Variants in NRXN1 observed in about 807,000 individuals in gnomAD.
NRXN1 encodes the protein neurexin 1, also known as neurexin-1.
NRXN1 carries 39 observed loss-of-function variants against 150.9 expected under a neutral mutation model. The ratio of observed to expected loss-of-function variants is 0.26; its 90% CI spans 0.20 to 0.34. NRXN1 has a LOEUF of 0.34. NRXN1 is among the 10% of genes least tolerant of loss of function. The pLI is 1.00. For missense variants in NRXN1, 1,815 were observed against 1,949.9 expected (o/e 0.93, Z 1.30); for synonymous variants, 924 against 757.0 (o/e 1.22, Z -3.62).
chr2:50,038,161 C>T (rs1690338766), intron 21 of NRXN1, among the ~76,000 whole-genome samples: 2 of 152,166 alleles, frequency 1.3e-5, no homozygotes, highest in Admixed American at 6.5e-5. Flanking sequence ...AGAAAATATA[C>T]ATAAAAAATC....
intron 5 of NRXN1, among the ~76,000 whole-genome samples, chr2:50,672,124 G>T (rs772561744): frequency 6.6e-6 from 1 of 151,758 alleles, no homozygotes; most frequent in Non-Finnish European, 1.5e-5. Flanking sequence ...ACCATAATTT[G>T]CTATAATACC....
intron 21 of NRXN1, among the ~76,000 whole-genome samples, chr2:50,032,861 C>G (rs1460877304): frequency 1.3e-5 from 2 of 151,952 alleles, no homozygotes; most frequent in South Asian, 2.1e-4. Flanking sequence ...ACTTTCCAGG[C>G]TCCCAAACTG....
At chr2:50,565,293 A>T (rs1669675996) in intron 8 of NRXN1, among the ~76,000 whole-genome samples, 1 of 152,174 alleles carries the variant, frequency 6.6e-6, no homozygotes, top group Non-Finnish European at 1.5e-5. Flanking sequence ...AAAAGAAAAG[A>T]AAGAAAATAG....
chr2:50,893,700 T>A (rs1299207128), intron 5 of NRXN1, among the ~76,000 whole-genome samples: 1 of 152,196 alleles, frequency 6.6e-6, no homozygotes, highest in Non-Finnish European at 1.5e-5. Flanking sequence ...ACATTCACAA[T>A]TATAATGTGA....
chr2:50,161,481 T>C (rs1173851687), intron 18 of NRXN1, among the ~76,000 whole-genome samples: 2 of 152,128 alleles, frequency 1.3e-5, no homozygotes, highest in Admixed American at 1.3e-4. Context: ...TCACTGAGTA[T>C]ACTTCTTGGG....
In NRXN1 at chr2:49,921,692, A is replaced by G. The variant is rs1668225184; in HGVS notation, c.*252T>C. 2.0e-6 allele frequency: 1 copy of G among 492,744 alleles called. No homozygotes were observed. Among genetic ancestry groups the G allele is most frequent in the East Asian group, 3.7e-5 (1 of 27,296 alleles). 30.5% of individuals were successfully genotyped at this position (492,744 alleles called of 1,614,324 possible). A position where few individuals can be genotyped will look rare whatever the true frequency, so the allele number is the denominator to read the frequency against. On this transcript the variant is annotated 3_prime_UTR_variant, in exon 23 of 23. Coordinates refer to ENST00000401669, the MANE Select transcript of NRXN1 (RefSeq NM_001330078.2). ...AGAAATGTTCCAGCAACATAAAGAC[A>G]AGCAGAGTAAATGAAAACACTGTGG...
At chr2:50,034,015 C>A (rs1330083488) in intron 21 of NRXN1, among the ~76,000 whole-genome samples, 2 of 146,548 alleles carry the variant, frequency 1.4e-5, no homozygotes, top group Non-Finnish European at 3.0e-5. Context: ...AGGTTGCAAA[C>A]AGAAGAGAAT....
chr2:49,926,563 T>C lies in NRXN1; in HGVS notation c.4217-4312A>G, dbSNP rs544338539. ...TGATGATAATTCAGATGATAATTCA[T>C]TGTGGAAAATGAACAGTTACTACTA... On this transcript the variant is annotated intron_variant, in intron 22 of 22. Transcript: ENST00000401669. Among the ~76,000 whole-genome samples, 306 of 152,322 alleles carry C rather than the reference T, an allele frequency of 2.0e-3. 2 individuals carry two copies. The highest frequency in any genetic ancestry group is 7.2e-3 in the African/African-American group (300 of 41,568).
intron 21 of NRXN1, among the ~76,000 whole-genome samples, chr2:50,047,560 T>C (rs1692011094): frequency 6.6e-6 from 1 of 152,056 alleles, no homozygotes; most frequent in Admixed American, 6.6e-5. Flanking sequence ...GTGCAGTCCT[T>C]CTGGGTCTGA....
At chr2:50,540,491 A>T (rs990625411) in intron 9 of NRXN1, among the ~76,000 whole-genome samples, 1 of 152,208 alleles carries the variant, frequency 6.6e-6, no homozygotes. Context: ...CCTATTCAAA[A>T]TACCTAAGAA....
intron 5 of NRXN1, among the ~76,000 whole-genome samples, chr2:50,835,904 A>G: frequency 6.6e-6 from 1 of 152,152 alleles, no homozygotes; most frequent in East Asian, 1.9e-4. Context: ...TTCTAAATCT[A>G]TAAAATAATA....
intron 18 of NRXN1, among the ~76,000 whole-genome samples, chr2:50,177,821 C>T (rs1368982339): frequency 1.3e-5 from 2 of 150,648 alleles, no homozygotes; most frequent in East Asian, 3.9e-4. Context: ...CCTCCTCTCC[C>T]TCCCTCCCTC....
intron 9 of NRXN1, among the ~76,000 whole-genome samples, chr2:50,541,994 C>T (rs376603413): frequency 6.6e-6 from 1 of 152,248 alleles, no homozygotes; most frequent in South Asian, 2.1e-4. Context: ...ATAGAAAGAA[C>T]AAGCAGGCCA....
chr2:50,423,343 G>A (rs1301956288), intron 17 of NRXN1, among the ~76,000 whole-genome samples: 1 of 152,020 alleles, frequency 6.6e-6, no homozygotes, highest in Non-Finnish European at 1.5e-5. Context: ...TCATTTTTAG[G>A]TTTTATTGTA....
intron 8 of NRXN1, among the ~76,000 whole-genome samples, chr2:50,617,688 A>G (rs1367767297): frequency 6.6e-6 from 1 of 152,122 alleles, no homozygotes; most frequent in Non-Finnish European, 1.5e-5. Flanking sequence ...TCCTCCTTTT[A>G]TGAGTTTAGC....
intron 18 of NRXN1, among the ~76,000 whole-genome samples, chr2:50,178,464 C>A (rs189724681): frequency 6.6e-6 from 1 of 152,026 alleles, no homozygotes; most frequent in African/African-American, 2.4e-5. Context: ...TTCTACAATA[C>A]CACATATAAT....
At chr2:50,355,344 A>C (rs115763726) in intron 17 of NRXN1, among the ~76,000 whole-genome samples, 1 of 151,110 alleles carries the variant, frequency 6.6e-6, no homozygotes, top group Non-Finnish European at 1.5e-5. Context: ...TCTGATGTCA[A>C]TACTATAGAT....
chr2:50,645,980 A>G (rs1684761968), intron 5 of NRXN1, among the ~76,000 whole-genome samples: 1 of 151,924 alleles, frequency 6.6e-6, no homozygotes, highest in African/African-American at 2.4e-5. Context: ...CAGATACTCA[A>G]CTGGCATGCT....
At position 50,594,064 on chromosome 2, in the gene NRXN1, T is replaced by C. The variant is rs557077335; in HGVS notation, c.1320+25958A>G. ...TGCCATGCAAATGAAGAAAGACTTATTTGCTTCGCCTTCCACCATGATTGT... is the reference window on the plus strand; with the variant it reads ...TGCCATGCAAATGAAGAAAGACTTACTTGCTTCGCCTTCCACCATGATTGT... On this transcript the variant is annotated intron_variant, in intron 8 of 22. Coordinates refer to ENST00000401669, the MANE Select transcript of NRXN1 (RefSeq NM_001330078.2). 7.2e-5 allele frequency among the ~76,000 whole-genome samples: 11 copies of C among 152,316 alleles called. No individual in the cohort carries two copies. The East Asian group carries it at 2.1e-3, about 29-fold the overall frequency.
Sources: allele counts gnomAD v4.1 joint callset (sites outside exome capture counted in the v4.1 genomes callset), GRCh38; gene constraint gnomAD v4.1.1; transcripts MANE v1.5; gene names NCBI Gene and HGNC (gene_info 2026-07-23, HGNC 2026-07-21).